Variants in COL5A3 observed in about 807,000 individuals in gnomAD.
COL5A3 encodes collagen type V alpha 3 chain.
Under a neutral mutation model 250.0 loss-of-function variants are expected in COL5A3, and 172 were observed. The ratio of observed to expected loss-of-function variants is 0.69; its 90% confidence interval spans 0.61 to 0.78. The LOEUF (loss-of-function observed/expected upper bound fraction) is 0.78, where lower values mean the gene tolerates loss of function less well. Among genes scored for constraint, COL5A3 ranks in the 30% least tolerant of loss-of-function variants. The pLI is 0.00. For missense variants in COL5A3, 2,340 were observed against 2,334.4 expected, an observed-to-expected ratio of 1.00 and a Z score of -0.05; for synonymous variants, 937 against 900.4, an observed-to-expected ratio of 1.04 and a Z score of -0.73.
chr19:9,988,240 C>T (rs1430697217), intron 27 of COL5A3, among the ~76,000 whole-genome samples: 2 of 151,808 alleles, frequency 1.3e-5, no homozygotes, highest in Non-Finnish European at 2.9e-5. Flanking sequence ...GTCTCAAAAA[C>T]AAAAACAAAA....
At chr19:10,005,117 G>A (rs1224771761) in intron 4 of COL5A3, among the ~76,000 whole-genome samples, 1 of 152,168 alleles carries the variant, frequency 6.6e-6, no homozygotes, top group Non-Finnish European at 1.5e-5. Context: ...AGCACTTTGG[G>A]AGGCCAAGGC....
chr19:9,986,747 G>C lies in COL5A3; in HGVS notation c.2157C>G (p.Gly719=). The C allele has an allele frequency of 6.2e-7, 1 of 1,607,508 alleles. No homozygotes were observed. The highest frequency in any genetic ancestry group is 1.1e-5 in the South Asian group (1 of 90,922). ...CTTTCTCCCCCTGGAGGCCCCGGTT[G>C]CCTGAAGTGCCCTGGAAAATAAAAA... ...PGPRGVKGTS[G]NRGLQGEKGE... The change falls in exon 28 of 67, where the codon GGC becomes GGG. Residue 719 remains glycine (G), a synonymous_variant. Transcript: ENST00000264828.
chr19:9,967,148 C>G (rs984071534), intron 62 of COL5A3, among the ~76,000 whole-genome samples, 199 bp downstream of exon 62: 1 of 152,020 alleles, frequency 6.6e-6, no homozygotes, highest in Non-Finnish European at 1.5e-5. Flanking sequence ...CCATGGGTGT[C>G]CCCCCAAGTC....
In COL5A3 at chr19:9,973,949, AG is replaced by A; in HGVS notation, c.3527del (p.Pro1176LeufsTer92). The A allele has an allele frequency of 6.5e-7, 1 of 1,547,996 alleles. No homozygotes were observed. Among genetic ancestry groups the A allele is most frequent in the Non-Finnish European group, 8.7e-7 (1 of 1,146,984 alleles). On this transcript the variant is annotated frameshift_variant, in exon 48 of 67. Transcript: ENST00000264828. LOFTEE classifies it high-confidence loss of function. ...GSMGPHGAPG[P>X]RGPQGPTGSE... ...ATCCAGTGGGGCCTTGGGGACCCCG[AG>A]GACCTGGAGCTCCATGGGGACCCTG... is the stretch of plus-strand genomic sequence containing the variant.
In COL5A3 at chr19:9,966,896, G is replaced by A. The variant is rs1197502486; in HGVS notation, c.4459-150C>T. On this transcript the variant is annotated intron_variant, in intron 62 of 66. Coordinates refer to ENST00000264828, the MANE Select transcript of COL5A3 (RefSeq NM_015719.4). ...AAACAAGGGGCAGAGATAGAGAAAG[G>A]AGAGATAAGCAGACAGGGAGAGACA... The A allele has an allele frequency of 4.6e-6, 3 of 657,656 alleles. No homozygotes were observed. The African/African-American group carries it at 5.5e-5, about 12-fold the overall frequency. 40.7% of individuals were successfully genotyped at this position (657,656 alleles called of 1,614,324 possible). A position where few individuals can be genotyped will look rare whatever the true frequency, so the allele number is the denominator to read the frequency against.
chr19:9,970,143 T>TG (rs1192070521), intron 54 of COL5A3, among the ~76,000 whole-genome samples: 2 of 23,448 alleles, frequency 8.5e-5, no homozygotes, highest in African/African-American at 5.0e-4. Context: ...GTGGAGGCTG[T>TG]GGGTGAGTGG....
Position 9,982,070 on chromosome 19 carries a change from T to G in COL5A3, c.2455A>C (p.Lys819Gln), listed in dbSNP as rs2087019351. ...TACCCCCGGTCATGACTCACCGACT[T>G]CCCTTTCTCTCCTATGGGTCCCAGG... Reference protein sequence around the residue: ...GPLGPIGEKGKSGKTGQPGLE... With the variant: ...GPLGPIGEKGQSGKTGQPGLE... The change falls in exon 32 of 67, where the codon AAG becomes CAG. Residue 819 changes from lysine to glutamine, a missense_variant. Transcript: ENST00000264828. 1 of 1,610,380 alleles carries G rather than the reference T, an allele frequency of 6.2e-7. No homozygotes were observed. The highest frequency in any genetic ancestry group is 8.5e-7 in the Non-Finnish European group (1 of 1,177,766).
At chr19:9,997,256 G>GCCC in intron 11 of COL5A3, 115 bp downstream of exon 11, 1 of 792,378 alleles carries the variant, frequency 1.3e-6, no homozygotes. Flanking sequence ...GTCAGTGCCA[G>GCCC]CCCCGGGATG....
intron 1 of COL5A3, 96 bp downstream of exon 1, chr19:10,010,202 T>TGCCC: frequency 1.5e-6 from 1 of 653,184 alleles, no homozygotes; most frequent in Non-Finnish European, 2.0e-6. Context: ...CCCACGCCCT[T>TGCCC]CCCCTCCACG....
chr19:9,987,781 A>G (rs2087120386), intron 27 of COL5A3, among the ~76,000 whole-genome samples: 1 of 151,918 alleles, frequency 6.6e-6, no homozygotes, highest in South Asian at 2.1e-4. Flanking sequence ...TAATCAAATG[A>G]AAAAACTGCC....
At position 9,965,058 on chromosome 19, in the gene COL5A3, C is replaced by A. The variant is rs534529235; in HGVS notation, c.4782+1256G>T. 8.6e-5 allele frequency among the ~76,000 whole-genome samples: 13 copies of A among 151,380 alleles called. No individual in the cohort carries two copies. In the East Asian group the frequency reaches 1.2e-3, roughly 14 times the overall value. ...AGACAGACTCTGTCTCACACACACA[C>A]AAAAACAAAACAGTTCACTGATATT... On this transcript the variant is annotated intron_variant, in intron 64 of 66. Transcript: ENST00000264828.
Position 9,978,631 on chromosome 19 carries a change from AAGGAGG to A in COL5A3, c.2965-10_2965-5del, listed in dbSNP as rs1436519029. The A allele has an allele frequency of 2.6e-6, 4 of 1,554,476 alleles. No individual in the cohort carries two copies. In the South Asian group the frequency reaches 4.8e-5, roughly 19 times the overall value. Reference sequence around the variant, plus strand: ...CACCCTTTAAGCCAGTAGGTCCCTGAAGGAGGAGATAATTCACAGTTAAGAGACTCC... The same window carrying A: ...CACCCTTTAAGCCAGTAGGTCCCTGAAGATAATTCACAGTTAAGAGACTCC... On this transcript the variant is annotated splice_region_variant and splice_polypyrimidine_tract_variant and intron_variant, in intron 40 of 66. Transcript: ENST00000264828.
chr19:9,985,831 C>T lies in COL5A3; in HGVS notation c.2406+11G>A. ...CATATCCATCTCCACCCCCCACCCC[C>T]AGCTTCCTACCTTAGGTCCAGGGCG... On this transcript the variant is annotated intron_variant, in intron 31 of 66. Coordinates refer to ENST00000264828, the MANE Select transcript of COL5A3 (RefSeq NM_015719.4). 1.2e-6 allele frequency: 2 copies of T among 1,612,168 alleles called. No homozygotes were observed. Among genetic ancestry groups the T allele is most frequent in the South Asian group, 1.1e-5 (1 of 90,942 alleles).
intron 37 of COL5A3, 124 bp from the exon 38 acceptor site, chr19:9,979,541 G>A: frequency 9.5e-7 from 1 of 1,047,196 alleles, no homozygotes; most frequent in Admixed American, 1.9e-5. Context: ...TGTAATCCCA[G>A]CACTTTGGGA....
Position 9,980,618 on chromosome 19 carries a change from TCACA to T in COL5A3, c.2604+26_2604+29del, listed in dbSNP as rs57936080. On this transcript the variant is annotated intron_variant, in intron 35 of 66. Coordinates refer to ENST00000264828, the MANE Select transcript of COL5A3 (RefSeq NM_015719.4). ...CTCTCTCTCTCACACACACACACAT[TCACA>T]CACACACACACACACACACACTCAC... is the stretch of plus-strand genomic sequence containing the variant. The T allele has an allele frequency of 5.8e-3, 8,082 of 1,395,176 alleles. 4 individuals carry two copies. The highest frequency in any genetic ancestry group is 0.02 in the African/African-American group (1,276 of 64,782). The allele number at this position is 1,395,176 out of a possible 1,614,324, so 86.4% of individuals were successfully genotyped here.
intron 61 of COL5A3, chr19:9,967,677 G>A: frequency 1.8e-6 from 1 of 547,808 alleles, no homozygotes; most frequent in Non-Finnish European, 3.1e-6. Flanking sequence ...TAGTTTACTT[G>A]GCAGAACTGT....
chr19:9,989,399 C>A, intron 25 of COL5A3, 33 bp from the exon 26 acceptor site: 2 of 1,614,008 alleles, frequency 1.2e-6, no homozygotes, highest in Non-Finnish European at 1.7e-6. Flanking sequence ...TGTCAGAGAC[C>A]AAAACTTGCC....
rs535125058 is a variant in COL5A3 at position 9,989,590 on chromosome 19, C to G, written c.1993-68G>C. ...AGCCCTGGAGCACCACTAGGATCTACGCAGACATGCAGCCGCCTCAAGGTT... is the reference window on the plus strand; with the variant it reads ...AGCCCTGGAGCACCACTAGGATCTAGGCAGACATGCAGCCGCCTCAAGGTT... On this transcript the variant is annotated intron_variant, in intron 24 of 66. Transcript: ENST00000264828. 5.1e-5 allele frequency: 71 copies of G among 1,385,130 alleles called. 1 individual carries two copies. The highest frequency in any genetic ancestry group is 1.1e-4 in the Admixed American group (5 of 45,426). 85.8% of individuals were successfully genotyped at this position (1,385,130 alleles called of 1,614,324 possible).
chr19:9,981,953 G>T, intron 32 of COL5A3, 112 bp downstream of exon 32: 1 of 808,544 alleles, frequency 1.2e-6, no homozygotes, highest in Non-Finnish European at 2.2e-6. Flanking sequence ...GCACACAAAT[G>T]TTCCAGGCAT....
Sources: gnomAD v4.1 joint callset for allele counts (sites outside exome capture counted in the v4.1 genomes callset) on GRCh38, gnomAD v4.1.1 for gene constraint, MANE v1.5 for transcripts, NCBI Gene and HGNC (gene_info 2026-07-23, HGNC 2026-07-21) for gene names.